Variants in GLCCI1 observed in about 807,000 individuals in gnomAD.
GLCCI1 encodes the protein glucocorticoid-induced transcript 1 protein.
In GLCCI1, 24 loss-of-function variants were observed where a neutral mutation model predicts 52.2. That is an observed-to-expected ratio of 0.46 (90% CI 0.33 to 0.65). GLCCI1 has a LOEUF of 0.65. Among genes scored for constraint, GLCCI1 ranks in the 30% least tolerant of loss-of-function variants. The pLI is 0.02. For synonymous variants in GLCCI1, 310 were observed against 276.5 expected, an observed-to-expected ratio of 1.12 and a Z score of -1.20; for missense variants, 704 against 701.5, an observed-to-expected ratio of 1.00 and a Z score of -0.04.
intron 5 of GLCCI1, among the ~76,000 whole-genome samples, chr7:8,069,211 GGGTCC>G (rs1782699454): frequency 2.0e-5 from 3 of 152,054 alleles, no homozygotes; most frequent in Non-Finnish European, 4.4e-5. Context: ...CTTGTCTCTG[GGGTCC>G]ACCCCAGAGA....
At chr7:8,017,846 A>C (rs1433590966) in intron 2 of GLCCI1, among the ~76,000 whole-genome samples, 1 of 152,212 alleles carries the variant, frequency 6.6e-6, no homozygotes, top group Non-Finnish European at 1.5e-5. Flanking sequence ...GCAAAGGATA[A>C]TTACACTAGA....
At chr7:8,085,180 G>C (rs967852490) in intron 7 of GLCCI1, among the ~76,000 whole-genome samples, 163 bp downstream of exon 7, 1 of 152,218 alleles carries the variant, frequency 6.6e-6, no homozygotes, top group Non-Finnish European at 1.5e-5. Context: ...CTTACTGAAG[G>C]AGAACTGGAG....
At chr7:7,986,503 C>T (rs1021712678) in intron 1 of GLCCI1, among the ~76,000 whole-genome samples, 6 of 149,002 alleles carry the variant, frequency 4.0e-5, no homozygotes, top group Non-Finnish European at 5.9e-5. Context: ...CCAGCCTGGG[C>T]GACAGAGCGA....
intron 3 of GLCCI1, among the ~76,000 whole-genome samples, chr7:8,040,524 TAACACACACACACACA>T: frequency 1.5e-5 from 1 of 68,846 alleles, no homozygotes; most frequent in South Asian, 4.8e-4. Context: ...GAGATATAAT[TAACACACACACACACA>T]CACACACACA....
chr7:8,012,216 C>T (rs921969138), intron 2 of GLCCI1, among the ~76,000 whole-genome samples: 17 of 151,954 alleles, frequency 1.1e-4, no homozygotes, highest in Admixed American at 2.6e-4. Context: ...ATTTGTATTT[C>T]CTAAATGATT....
chr7:8,068,594 T>C (rs1422296239), intron 5 of GLCCI1, among the ~76,000 whole-genome samples: 1 of 152,202 alleles, frequency 6.6e-6, no homozygotes, highest in African/African-American at 2.4e-5. Flanking sequence ...TTCTTCTGAA[T>C]CTTGATGACC....
At chr7:8,085,253 A>G (rs1183913936) in intron 7 of GLCCI1, among the ~76,000 whole-genome samples, 1 of 152,228 alleles carries the variant, frequency 6.6e-6, no homozygotes, top group African/African-American at 2.4e-5. Context: ...TTACTACCTG[A>G]AAAATCTATT....
chr7:7,981,674 T>C (rs914985061), intron 1 of GLCCI1: 17 of 245,186 alleles, frequency 6.9e-5, no homozygotes, highest in Admixed American at 4.9e-4. Context: ...AATATACTTA[T>C]AGATGACAGA....
In GLCCI1 at chr7:8,060,118, C is replaced by T; in HGVS notation, c.836C>T (p.Pro279Leu). Reference protein sequence around the residue: ...HTQATGSRSVPMPLSNISVPK... With the variant: ...HTQATGSRSVLMPLSNISVPK... ...TAGGCTACTGGATCAAGGTCAGTTC[C>T]TATGCCACTGTCAAATATATCAGTG... Residue 279 changes from proline (P) to leucine (L), a missense_variant, in exon 5 of 8, where the codon CCT becomes CTT. By Grantham distance (98) the Pro-to-Leu change is moderately conservative. Transcript: ENST00000223145. 1 of 1,613,636 alleles carries T rather than the reference C, an allele frequency of 6.2e-7. No homozygotes were observed. The highest frequency in any genetic ancestry group is 8.5e-7 in the Non-Finnish European group (1 of 1,179,776).
At chr7:7,983,142 T>C (rs1780656703) in intron 1 of GLCCI1, among the ~76,000 whole-genome samples, 1 of 152,178 alleles carries the variant, frequency 6.6e-6, no homozygotes, top group Admixed American at 6.5e-5. Flanking sequence ...AAATGAATCA[T>C]ATTTTGTGGA....
rs74600212 is a variant in GLCCI1, at chr7:8,027,974, G to A, written c.696+5405G>A. On this transcript the variant is annotated intron_variant, in intron 3 of 7. Transcript: ENST00000223145. ...CAGGTGTATAAAGCAAATATTATTA[G>A]AGCTAAAGAGGAAGATAGACCCCAA... 5.6e-3 allele frequency among the ~76,000 whole-genome samples: 846 copies of A among 152,292 alleles called. 6 individuals are homozygous for A. The highest frequency in any genetic ancestry group is 0.019 in the African/African-American group (793 of 41,540).
At chr7:7,981,643 A>G in intron 1 of GLCCI1, 1 of 219,112 alleles carries the variant, frequency 4.6e-6, no homozygotes, top group South Asian at 6.1e-5. Flanking sequence ...AGATTATGAG[A>G]AAGCCTTCTT....
At chr7:8,060,623 G>A (rs1782493192) in intron 5 of GLCCI1, among the ~76,000 whole-genome samples, 1 of 152,102 alleles carries the variant, frequency 6.6e-6, no homozygotes, top group Admixed American at 6.5e-5. Context: ...ACTTAGCATA[G>A]TGTTTTTAAG....
Position 8,031,629 on chromosome 7 carries a change from C to A in GLCCI1, c.696+9060C>A, listed in dbSNP as rs571797509. On this transcript the variant is annotated intron_variant, in intron 3 of 7. Transcript: ENST00000223145. Reference sequence around the variant, plus strand: ...ACTCTCATGTGATTATTATGCATTGCATGCCTGTGCCAAAATATCTCATGT... The same window carrying A: ...ACTCTCATGTGATTATTATGCATTGAATGCCTGTGCCAAAATATCTCATGT... Among the ~76,000 whole-genome samples, 5 of 152,188 alleles carry A rather than the reference C, an allele frequency of 3.3e-5. No homozygotes were observed. The South Asian group carries it at 6.2e-4, about 19-fold the overall frequency.
At position 8,003,976 on chromosome 7, in the gene GLCCI1, A is replaced by G. The variant is rs751815366; in HGVS notation, c.526A>G (p.Ile176Val). 1.2e-6 allele frequency: 2 copies of G among 1,613,886 alleles called. No individual in the cohort carries two copies. Among genetic ancestry groups the G allele is most frequent in the African/African-American group, 1.3e-5 (1 of 75,038 alleles). ...AAGGCGAACCTCCTCTTTGGATACAATAACAGGACCTTACCTCACAGGACA... is the reference window on the plus strand; with the variant it reads ...AAGGCGAACCTCCTCTTTGGATACAGTAACAGGACCTTACCTCACAGGACA... ...TIRRTSSLDT[I>V]TGPYLTGQWP... Residue 176 changes from isoleucine to valine, a missense_variant, in exon 2 of 8, where the codon ATA (isoleucine) becomes GTA (valine). Ile to Val is a conservative substitution (Grantham distance 29). Coordinates refer to ENST00000223145, the MANE Select transcript of GLCCI1 (RefSeq NM_138426.4).
At chr7:8,016,424 G>T (rs543658109) in intron 2 of GLCCI1, among the ~76,000 whole-genome samples, 1 of 152,142 alleles carries the variant, frequency 6.6e-6, no homozygotes, top group Non-Finnish European at 1.5e-5. Context: ...AGCCGAGATC[G>T]CACCACTGCA....
chr7:8,019,243 C>T (rs1224702226), intron 2 of GLCCI1, among the ~76,000 whole-genome samples: 5 of 152,120 alleles, frequency 3.3e-5, no homozygotes, highest in African/African-American at 1.2e-4. Flanking sequence ...CCGGTAGCCA[C>T]ATGTGGTTAT....
intron 1 of GLCCI1, among the ~76,000 whole-genome samples, chr7:7,982,525 A>C (rs184671673): frequency 6.6e-6 from 1 of 152,212 alleles, no homozygotes; most frequent in Non-Finnish European, 1.5e-5. Context: ...ACAAAAATAC[A>C]TAAACGTGTT....
intron 6 of GLCCI1, among the ~76,000 whole-genome samples, chr7:8,074,633 C>T (rs939909537): frequency 4.0e-5 from 6 of 151,890 alleles, no homozygotes; most frequent in African/African-American, 7.3e-5. Flanking sequence ...TGCAGCAAGC[C>T]GAGATCACGT....
Sources: allele counts gnomAD v4.1 joint callset (sites outside exome capture counted in the v4.1 genomes callset), GRCh38; gene constraint gnomAD v4.1.1; transcripts MANE v1.5; gene names NCBI Gene and HGNC (gene_info 2026-07-23, HGNC 2026-07-21).